SCN3A: variants seen among roughly 807,000 people sequenced by gnomAD.
The protein encoded by SCN3A is sodium channel protein type 3 subunit alpha.
A neutral mutation model predicts 187.6 loss-of-function variants in SCN3A; 60 were observed. The ratio of observed to expected loss-of-function variants is 0.32; its 90% CI spans 0.26 to 0.40. The LOEUF (loss-of-function observed/expected upper bound fraction) is 0.40. SCN3A is among the 10% of genes least tolerant of loss of function. The pLI, the probability that SCN3A is intolerant of heterozygous loss-of-function variation, is 1.00. For synonymous variants in SCN3A, 788 were observed against 829.2 expected, an observed-to-expected ratio of 0.95 and a Z score of 0.85; for missense variants, 1,601 against 2,428.2, an observed-to-expected ratio of 0.66 and a Z score of 7.16.
intron 21 of SCN3A, among the ~76,000 whole-genome samples, 195 bp from the exon 22 acceptor site, chr2:165,100,619 C>T (rs1310025637): frequency 6.6e-6 from 1 of 151,956 alleles, no homozygotes; most frequent in African/African-American, 2.4e-5. Context: ...ACCAATGAAA[C>T]CAGAATACTT....
chr2:165,126,792 C>T (rs1687020823), intron 18 of SCN3A, among the ~76,000 whole-genome samples: 1 of 151,996 alleles, frequency 6.6e-6, no homozygotes, highest in South Asian at 2.1e-4. Context: ...TTTCAAGTTA[C>T]TCTGGAAGAC....
chr2:165,091,383 C>A (rs763568270), intron 27 of SCN3A, 38 bp from the exon 28 acceptor site: 2 of 1,611,546 alleles, frequency 1.2e-6, no homozygotes, highest in Non-Finnish European at 1.7e-6. Context: ...CAGATAATAT[C>A]TTTCACTTAC....
chr2:165,115,581 A>G lies in SCN3A; in HGVS notation c.3394-6T>C. 3 of 1,613,566 alleles carry G rather than the reference A, an allele frequency of 1.9e-6. No homozygotes were observed. Among genetic ancestry groups the G allele is most frequent in the Non-Finnish European group, 2.5e-6 (3 of 1,179,598 alleles). On this transcript the variant is annotated splice_polypyrimidine_tract_variant and splice_region_variant and intron_variant, in intron 18 of 27. Transcript: ENST00000283254. ...GAGCTGGTTGCATTTAATTTCTGGAAACAAAATCCCATTTCAAAGATGTGA... is the reference window on the plus strand; with the variant it reads ...GAGCTGGTTGCATTTAATTTCTGGAGACAAAATCCCATTTCAAAGATGTGA...
chr2:165,158,559 T>G (rs551801431), intron 9 of SCN3A, among the ~76,000 whole-genome samples: 1 of 137,418 alleles, frequency 7.3e-6, no homozygotes, highest in African/African-American at 2.9e-5. Context: ...TTGCTTTACC[T>G]AGATAATCCC....
intron 12 of SCN3A, among the ~76,000 whole-genome samples, chr2:165,142,880 T>C (rs1216435465): frequency 6.6e-6 from 1 of 151,904 alleles, no homozygotes; most frequent in East Asian, 1.9e-4. Context: ...CCTCCTGAGT[T>C]GGCTGGGACT....
intron 16 of SCN3A, chr2:165,130,507 A>C (rs1687248702): frequency 3.5e-6 from 2 of 578,466 alleles, no homozygotes; most frequent in Non-Finnish European, 6.0e-6. Flanking sequence ...AAAAATAAAA[A>C]TAAAACATTT....
intron 26 of SCN3A, 123 bp downstream of exon 26, chr2:165,094,251 G>A (rs1416404856): frequency 2.7e-5 from 22 of 806,020 alleles, no homozygotes; most frequent in African/African-American, 8.5e-5. Context: ...TGCAAAATAT[G>A]AACTTTATAA....
intron 1 of SCN3A, among the ~76,000 whole-genome samples, chr2:165,200,485 T>A (rs1692244469): frequency 1.3e-5 from 2 of 152,082 alleles, no homozygotes; most frequent in Non-Finnish European, 2.9e-5. Flanking sequence ...CTTTTAGTTA[T>A]CATCAACCCT....
intron 5 of SCN3A, among the ~76,000 whole-genome samples, chr2:165,165,633 ATTTAAG>A (rs1258400291): frequency 2.0e-5 from 3 of 152,150 alleles, no homozygotes; most frequent in Non-Finnish European, 4.4e-5. Flanking sequence ...TAAAAGCACA[ATTTAAG>A]TTTATTTTTC....
chr2:165,196,210 T>C (rs1253377341), intron 1 of SCN3A, among the ~76,000 whole-genome samples: 1 of 151,952 alleles, frequency 6.6e-6, no homozygotes, highest in Non-Finnish European at 1.5e-5. Context: ...TTTAAATAAA[T>C]GATCCAATCC....
At chr2:165,174,412 A>G (rs973545588) in intron 3 of SCN3A, among the ~76,000 whole-genome samples, 5 of 152,212 alleles carry the variant, frequency 3.3e-5, no homozygotes, top group African/African-American at 1.2e-4. Context: ...TAGGTAGTTC[A>G]GTGTAGCCCC....
chr2:165,115,188 C>G (rs961333265), intron 19 of SCN3A, among the ~76,000 whole-genome samples: 20 of 151,900 alleles, frequency 1.3e-4, no homozygotes, highest in Admixed American at 5.9e-4. Flanking sequence ...GTAGCAGCGA[C>G]TACAGGCATG....
intron 14 of SCN3A, among the ~76,000 whole-genome samples, chr2:165,138,340 C>A (rs1687795538): frequency 6.6e-6 from 1 of 152,016 alleles, no homozygotes; most frequent in Non-Finnish European, 1.5e-5. Flanking sequence ...AGAAAATAAG[C>A]ACTTTGAATT....
intron 4 of SCN3A, among the ~76,000 whole-genome samples, chr2:165,170,097 G>T (rs987620400): frequency 6.6e-6 from 1 of 151,860 alleles, no homozygotes; most frequent in Non-Finnish European, 1.5e-5. Context: ...AATGCAAATA[G>T]TAATACTAAC....
chr2:165,168,868 C>T (rs780483335), intron 4 of SCN3A, 43 bp from the exon 5 acceptor site: 1 of 1,351,614 alleles, frequency 7.4e-7, no homozygotes, highest in Admixed American at 1.7e-5. Context: ...GTTACCATGG[C>T]CATTTATAAA....
chr2:165,140,686 C>G lies in SCN3A; in HGVS notation c.1984G>C (p.Ala662Pro). Residue 662 changes from alanine to proline, a missense_variant, in exon 13 of 28, where the codon GCT becomes CCT. Physicochemically the swap from Ala to Pro is conservative, Grantham distance 27. This residue lies in a region of SCN3A where 376 missense variants were observed against 476.0 expected (regional missense o/e 0.79). Transcript: ENST00000283254. This position sits in a 1 kb window ranked among gnomAD's most constrained non-coding sequence, Gnocchi z 4.2. ...AGTTGTCCAGTAGGTGACGTTAGAGCTGAAGGTCCACCCACCAAGGAAACC... is the reference window on the plus strand; with the variant it reads ...AGTTGTCCAGTAGGTGACGTTAGAGGTGAAGGTCCACCCACCAAGGAAACC... Reference protein sequence around the residue: ...GVVSLVGGPSALTSPTGQLPP... With the variant: ...GVVSLVGGPSPLTSPTGQLPP... The G allele has an allele frequency of 6.2e-7, 1 of 1,614,024 alleles. No individual in the cohort carries two copies. Among genetic ancestry groups the G allele is most frequent in the East Asian group, 2.2e-5 (1 of 44,862 alleles).
In SCN3A at chr2:165,091,035, T is replaced by G; in HGVS notation, c.5118A>C (p.Thr1706=). The change falls in exon 28 of 28, where the codon ACA becomes ACC. Residue 1706 remains threonine, a synonymous_variant. Transcript: ENST00000283254. ...GCAATCCATCCCAGCCAGCAGAGGT[T>G]GTAATTTGGAACAAGCAGATCATGC... is the stretch of plus-strand genomic sequence containing the variant. The part of the protein sequence containing the change: ...GNSMICLFQI[T]TSAGWDGLLA... 1 of 1,614,096 alleles carries G rather than the reference T, an allele frequency of 6.2e-7. No homozygotes were observed. The highest frequency in any genetic ancestry group is 8.5e-7 in the Non-Finnish European group (1 of 1,180,004).
intron 3 of SCN3A, among the ~76,000 whole-genome samples, chr2:165,172,498 T>C (rs7569892): frequency 6.6e-6 from 1 of 152,134 alleles, no homozygotes; most frequent in African/African-American, 2.4e-5. Flanking sequence ...TTAGATTATT[T>C]AATATTACAG....
Position 165,146,719 on chromosome 2 carries a change from C to A in SCN3A, c.1671+20G>T, listed in dbSNP as rs1688357547. The stretch of plus-strand genomic sequence containing the variant: ...AATAGCAATGACAAAGAAACCAGAG[C>A]ACTTAGTAGAAAATCATACCTGATG... On this transcript the variant is annotated intron_variant, in intron 12 of 27. Coordinates refer to ENST00000283254, the MANE Select transcript of SCN3A (RefSeq NM_006922.4). The A allele has an allele frequency of 1.2e-6, 2 of 1,613,596 alleles. No homozygotes were observed. The highest frequency in any genetic ancestry group is 1.7e-6 in the Non-Finnish European group (2 of 1,179,656).
Sources: gnomAD v4.1 joint callset for allele counts (sites outside exome capture counted in the v4.1 genomes callset) on GRCh38, gnomAD v4.1.1 for gene constraint, gnomAD v4.1.1 regional missense constraint, Gnocchi (gnomAD v3.1) non-coding constraint, MANE v1.5 for transcripts, NCBI Gene and HGNC (gene_info 2026-07-23, HGNC 2026-07-21) for gene names.